The following FRY variants were observed in gnomAD, a reference collection of about 807,000 sequenced individuals.
FRY encodes FRY microtubule binding protein, also known as protein furry homolog.
Under a neutral mutation model 348.4 loss-of-function variants are expected in FRY, and 128 were observed. That is an observed-to-expected ratio of 0.37 (90% CI 0.32 to 0.43). FRY has a LOEUF of 0.43. Among genes scored for constraint, FRY ranks in the 20% least tolerant of loss-of-function variants. FRY has a pLI of 1.00. For synonymous variants in FRY, 1,370 were observed against 1,374.7 expected (o/e 1.00, Z 0.08); for missense variants, 2,736 against 3,695.2 (o/e 0.74, Z 6.73).
chr13:32,232,794 G>A (rs1885991319), intron 41 of FRY, among the ~76,000 whole-genome samples: 1 of 152,206 alleles, frequency 6.6e-6, no homozygotes, highest in Non-Finnish European at 1.5e-5. Context: ...TCACTGTGTG[G>A]CTGGAAAGAA....
chr13:32,292,953 T>C (rs948194961), intron 59 of FRY, among the ~76,000 whole-genome samples: 1 of 152,168 alleles, frequency 6.6e-6, no homozygotes, highest in African/African-American at 2.4e-5. Context: ...AAAAAGATAA[T>C]TACTCACTGA....
intron 2 of FRY, among the ~76,000 whole-genome samples, chr13:32,086,718 G>A (rs1449240227): frequency 2.0e-5 from 3 of 151,862 alleles, no homozygotes; most frequent in South Asian, 2.1e-4. Context: ...CTGGAAAAAC[G>A]AAAAGTTTTT....
At position 32,295,497 on chromosome 13, in the gene FRY, A is replaced by G; in HGVS notation, c.*37A>G. ...TGTCCCCACTGGGTTCCAAACTGGC[A>G]GTGCTGCCATGCTGGGGCAACGTCA... On this transcript the variant is annotated 3_prime_UTR_variant, in exon 61 of 61. Coordinates refer to ENST00000542859, the MANE Select transcript of FRY (RefSeq NM_023037.3). The G allele has an allele frequency of 6.2e-7, 1 of 1,601,340 alleles. No homozygotes were observed. Among genetic ancestry groups the G allele is most frequent in the South Asian group, 1.1e-5 (1 of 90,972 alleles).
rs1203033337 is a variant in FRY at position 32,244,145 on chromosome 13, A to G, written c.6791A>G (p.Asn2264Ser). Residue 2264 changes from asparagine to serine, a missense_variant, in exon 47 of 61, where the codon AAT becomes AGT. By Grantham distance (46) the Asn-to-Ser change is conservative (BLOSUM62 1). Transcript: ENST00000542859. ...DLSVVPVKQF[N>S]VEVLKTIEKY... ...TCTGTCGTTCCTGTCAAACAGTTCA[A>G]TGTGGAAGTTCTGAAGACAATTGAA... 5.6e-6 allele frequency: 9 copies of G among 1,613,952 alleles called. No individual in the cohort carries two copies. Among genetic ancestry groups the G allele is most frequent in the Non-Finnish European group, 7.6e-6 (9 of 1,179,816 alleles).
Position 32,182,038 on chromosome 13 carries a change from A to G in FRY, c.2997-939A>G, listed in dbSNP as rs77024309. On this transcript the variant is annotated intron_variant, in intron 23 of 60. Transcript: ENST00000542859. The stretch of plus-strand genomic sequence containing the variant: ...CCAGGCTTTCTGTCTCTCGATATGG[A>G]ATGTCATAGAGTTTATCTTCCTGTC... 2.9e-3 allele frequency among the ~76,000 whole-genome samples: 439 copies of G among 152,298 alleles called. 2 individuals carry two copies. The highest frequency in any genetic ancestry group is 0.01 in the African/African-American group (419 of 41,566).
intron 4 of FRY, among the ~76,000 whole-genome samples, chr13:32,119,721 T>C (rs939870856): frequency 6.6e-6 from 1 of 152,214 alleles, no homozygotes; most frequent in Non-Finnish European, 1.5e-5. Context: ...TTAATGCAGC[T>C]GCATAGATTT....
chr13:32,128,337 G>A (rs1879154174), intron 7 of FRY, among the ~76,000 whole-genome samples: 1 of 152,180 alleles, frequency 6.6e-6, no homozygotes, highest in African/African-American at 2.4e-5. Flanking sequence ...AATAGTCAGT[G>A]TGAAATATAA....
chr13:32,265,557 G>T lies in FRY; in HGVS notation c.7887G>T (p.Leu2629=). 1 of 1,614,186 alleles carries T rather than the reference G, an allele frequency of 6.2e-7. No homozygotes were observed. The highest frequency in any genetic ancestry group is 8.5e-7 in the Non-Finnish European group (1 of 1,180,026). Residue 2629 remains leucine (L), a synonymous_variant, in exon 54 of 61, where the codon CTG becomes CTT. Coordinates refer to ENST00000542859, the MANE Select transcript of FRY (RefSeq NM_023037.3). ...AAFECSDSFS[L]DMTEGEEKGN... Reference sequence around the variant, plus strand: ...TTGAATGCAGCGACAGCTTTAGCCTGGACATGACTGAGGGGGAAGAAAAAG... The same window carrying T: ...TTGAATGCAGCGACAGCTTTAGCCTTGACATGACTGAGGGGGAAGAAAAAG...
At chr13:32,185,216 G>T in intron 26 of FRY, 68 bp downstream of exon 26, 1 of 1,420,126 alleles carries the variant, frequency 7.0e-7, no homozygotes, top group Non-Finnish European at 9.9e-7. Flanking sequence ...TTATTACGGT[G>T]CTTTCGTCTT....
At chr13:32,281,667 C>T (rs1888811316) in intron 58 of FRY, among the ~76,000 whole-genome samples, 1 of 152,192 alleles carries the variant, frequency 6.6e-6, no homozygotes, top group Non-Finnish European at 1.5e-5. Flanking sequence ...AGAACTCAAG[C>T]AGTGACCAGA....
chr13:32,217,113 C>T (rs1366875658), intron 35 of FRY, among the ~76,000 whole-genome samples: 7 of 152,126 alleles, frequency 4.6e-5, no homozygotes, highest in Non-Finnish European at 1.0e-4. Context: ...TAGCCCTGCA[C>T]CTTCCAGTGT....
intron 8 of FRY, among the ~76,000 whole-genome samples, 185 bp downstream of exon 8, chr13:32,132,025 A>G (rs1000681895): frequency 6.6e-6 from 1 of 152,074 alleles, no homozygotes; most frequent in African/African-American, 2.4e-5. Flanking sequence ...TTCATTTCTC[A>G]ACTTTCATAT....
At chr13:32,272,610 T>C (rs1288886012) in intron 55 of FRY, among the ~76,000 whole-genome samples, 3 of 152,196 alleles carry the variant, frequency 2.0e-5, no homozygotes, top group Non-Finnish European at 4.4e-5. Flanking sequence ...GTGAGCCATG[T>C]TTGTGCCACT....
chr13:32,099,592 G>A (rs545527481), intron 2 of FRY, among the ~76,000 whole-genome samples: 6 of 152,130 alleles, frequency 3.9e-5, no homozygotes, highest in African/African-American at 1.4e-4. Context: ...TTTCCTTTGT[G>A]TGAATGAACA....
intron 29 of FRY, 118 bp from the exon 30 acceptor site, chr13:32,201,823 A>G: frequency 1.4e-6 from 1 of 722,660 alleles, no homozygotes. Context: ...GACGGGGGTA[A>G]GAATGTCACT....
Position 32,173,493 on chromosome 13 carries a change from T to C in FRY, c.2278T>C (p.Ser760Pro). ...TTTCCAGGTGGCCACACGCAAACTG[T>C]CCGTTTTAATACTCAAGGAAATTCG... is the stretch of plus-strand genomic sequence containing the variant. ...CSFQVATRKL[S>P]VLILKEIRAL... Residue 760 changes from serine (S) to proline (P), a missense_variant, in exon 19 of 61, where the codon TCC becomes CCC. Physicochemically the swap from Ser to Pro is moderately conservative, Grantham distance 74. Transcript: ENST00000542859. 6.2e-7 allele frequency: 1 copy of C among 1,613,710 alleles called. No homozygotes were observed. Among genetic ancestry groups the C allele is most frequent in the Non-Finnish European group, 8.5e-7 (1 of 1,179,900 alleles).
At chr13:32,163,038 G>T (rs1424867595) in intron 17 of FRY, among the ~76,000 whole-genome samples, 1 of 152,152 alleles carries the variant, frequency 6.6e-6, no homozygotes, top group Non-Finnish European at 1.5e-5. Context: ...AAGACTGTAA[G>T]GGTCATCCAT....
At chr13:32,227,598 A>G (rs970235280) in intron 39 of FRY, among the ~76,000 whole-genome samples, 1 of 152,240 alleles carries the variant, frequency 6.6e-6, no homozygotes, top group African/African-American at 2.4e-5. Flanking sequence ...TGCTTATGCC[A>G]TATTTCTTTG....
At chr13:32,117,578 C>T (rs1469458348) in intron 4 of FRY, 105 bp downstream of exon 4, 3 of 1,174,570 alleles carry the variant, frequency 2.6e-6, no homozygotes, top group East Asian at 2.4e-5. Flanking sequence ...TGACTCTTCA[C>T]AAGGATGCCT....
Sources: allele counts gnomAD v4.1 joint callset (sites outside exome capture counted in the v4.1 genomes callset), GRCh38; gene constraint gnomAD v4.1.1; transcripts MANE v1.5; gene names NCBI Gene and HGNC (gene_info 2026-07-23, HGNC 2026-07-21).